The following SH3RF3 variants were observed in gnomAD, a reference collection of about 807,000 sequenced individuals.
SH3RF3 encodes the protein SH3 domain containing ring finger 3.
Under a neutral mutation model 66.3 loss-of-function variants are expected in SH3RF3, and 29 were observed. The ratio of observed to expected loss-of-function variants is 0.44; its 90% CI spans 0.33 to 0.60. The LOEUF is 0.60. Ranked by LOEUF, SH3RF3 falls within the 20% of genes least tolerant of loss-of-function variation. The probability of loss-of-function intolerance (pLI) is 0.04; values close to 1 mark genes in which losing one functional copy is unlikely to be tolerated. For synonymous variants in SH3RF3, 583 were observed against 532.0 expected, an observed-to-expected ratio of 1.10 and a Z score of -1.32; for missense variants, 1,194 against 1,190.9, an observed-to-expected ratio of 1.00 and a Z score of -0.04.
chr2:109,454,762 T>C (rs1239478042), intron 8 of SH3RF3, among the ~76,000 whole-genome samples: 1 of 152,010 alleles, frequency 6.6e-6, no homozygotes, highest in Non-Finnish European at 1.5e-5. Context: ...TGTGTGCGAG[T>C]CCTGACATAA....
At chr2:109,134,071 T>G (rs976396077) in intron 1 of SH3RF3, among the ~76,000 whole-genome samples, 12 of 152,188 alleles carry the variant, frequency 7.9e-5, no homozygotes, top group Non-Finnish European at 1.6e-4. Context: ...ATACCCGAGA[T>G]TTTCTGTTGA....
At chr2:109,412,406 T>C (rs979277132) in intron 4 of SH3RF3, among the ~76,000 whole-genome samples, 1 of 152,224 alleles carries the variant, frequency 6.6e-6, no homozygotes, top group Non-Finnish European at 1.5e-5. Flanking sequence ...TGTGCTATGC[T>C]GGTTTGGGAC....
chr2:109,285,818 T>G (rs1199775412), intron 1 of SH3RF3, among the ~76,000 whole-genome samples: 8 of 152,234 alleles, frequency 5.3e-5, no homozygotes, highest in Admixed American at 5.2e-4. Flanking sequence ...CTTCCAGTCC[T>G]GGCCTTGTTG....
chr2:109,146,442 C>T (rs775452621), intron 1 of SH3RF3, among the ~76,000 whole-genome samples: 4 of 152,146 alleles, frequency 2.6e-5, no homozygotes, highest in Admixed American at 6.5e-5. Context: ...GCATCAATTC[C>T]GTGCCAAGAG....
rs754601998 is a variant in SH3RF3, at chr2:109,490,964, G to C, written c.2480+28G>C. 72 of 1,427,280 alleles carry C rather than the reference G, an allele frequency of 5.0e-5. No homozygotes were observed. The African/African-American group carries it at 9.4e-4, about 19-fold the overall frequency. 88.4% of individuals were successfully genotyped at this position (1,427,280 alleles called of 1,614,324 possible). A position where few individuals can be genotyped will look rare whatever the true frequency, so the allele number is the denominator to read the frequency against. ...AAGTGCAGGGGCTTGTCTGCTCTGT[G>C]GCATGCTGTGGTTTGGCCTCTGAGG... On this transcript the variant is annotated intron_variant, in intron 9 of 9. Transcript: ENST00000309415.
intron 8 of SH3RF3, among the ~76,000 whole-genome samples, chr2:109,475,672 AATT>A (rs1166627201): frequency 6.6e-6 from 1 of 152,178 alleles, no homozygotes; most frequent in Non-Finnish European, 1.5e-5. Context: ...GCAGCATCCC[AATT>A]TCTACTTTGT....
At chr2:109,298,304 G>A (rs572974731) in intron 1 of SH3RF3, among the ~76,000 whole-genome samples, 1 of 133,384 alleles carries the variant, frequency 7.5e-6, no homozygotes, top group African/African-American at 2.6e-5. Flanking sequence ...TAGACAGGCG[G>A]GAAGGGAAGC....
At chr2:109,465,968 C>T (rs552293434) in intron 8 of SH3RF3, among the ~76,000 whole-genome samples, 115 of 151,528 alleles carry the variant, frequency 7.6e-4, no homozygotes, top group Non-Finnish European at 1.1e-3. Flanking sequence ...CCTCTAACAC[C>T]GGGGATTACA....
Position 109,458,572 on chromosome 2 carries a change from C to CAGAGAGAG in SH3RF3, c.2148+9105_2148+9112dup, listed in dbSNP as rs70958708. Among the ~76,000 whole-genome samples the CAGAGAGAG allele has an allele frequency of 4.2e-3, 520 of 123,028 alleles. 34 individuals carry two copies. The highest frequency in any genetic ancestry group is 7.2e-3 in the African/African-American group (263 of 36,680). The allele number at this position is 123,028 out of a possible 152,430, so 80.7% of individuals were successfully genotyped here. A position where few individuals can be genotyped will look rare whatever the true frequency, so the allele number is the denominator to read the frequency against. ...CCAGAGAAACAGAACCAGCAGGAGACAGAGAGAGAGAGAGAGAGAGAGAGA... is the reference window on the plus strand; with the variant it reads ...CCAGAGAAACAGAACCAGCAGGAGACAGAGAGAGAGAGAGAGAGAGAGAGAGAGAGAGA... On this transcript the variant is annotated intron_variant, in intron 8 of 9. Coordinates refer to ENST00000309415, the MANE Select transcript of SH3RF3 (RefSeq NM_001099289.3).
Position 109,129,215 on chromosome 2 carries a change from T to G in SH3RF3, c.-326T>G. 4 of 515,972 alleles carry G rather than the reference T, an allele frequency of 7.8e-6. No homozygotes were observed. Among genetic ancestry groups the G allele is most frequent in the Non-Finnish European group, 1.1e-5 (3 of 278,630 alleles). The allele number at this position is 515,972 out of a possible 1,614,324, so 32.0% of individuals were successfully genotyped here. A position where few individuals can be genotyped will look rare whatever the true frequency, so the allele number is the denominator to read the frequency against. ...GCCGCCGCTTGCAGCACAGAACCCG[T>G]TGAGCTTCGTGCCCGGCAGCACCCC... On this transcript the variant is annotated 5_prime_UTR_variant, in exon 1 of 10. Coordinates refer to ENST00000309415, the MANE Select transcript of SH3RF3 (RefSeq NM_001099289.3).
intron 3 of SH3RF3, among the ~76,000 whole-genome samples, chr2:109,392,605 C>T (rs879388592): frequency 3.3e-5 from 5 of 151,976 alleles, no homozygotes; most frequent in Admixed American, 6.5e-5. Flanking sequence ...AGCTCCGCCT[C>T]GTGGGTTCAC....
intron 6 of SH3RF3, among the ~76,000 whole-genome samples, chr2:109,435,347 G>T (rs1268558925): frequency 1.3e-5 from 2 of 152,316 alleles, no homozygotes; most frequent in Non-Finnish European, 2.9e-5. Flanking sequence ...GATCCCTACT[G>T]GGTTCAGGAC....
At chr2:109,492,463 C>G (rs151305736) in intron 9 of SH3RF3, among the ~76,000 whole-genome samples, 9 of 152,260 alleles carry the variant, frequency 5.9e-5, no homozygotes, top group African/African-American at 2.2e-4. Context: ...GCTGGGTGTT[C>G]TGCACAGGGG....
chr2:109,466,121 C>G (rs1678339250), intron 8 of SH3RF3, among the ~76,000 whole-genome samples: 1 of 146,564 alleles, frequency 6.8e-6, no homozygotes. Flanking sequence ...GCTCCGTCGC[C>G]CAGGCTGGAG....
chr2:109,194,228 A>G (rs1211017301), intron 1 of SH3RF3, among the ~76,000 whole-genome samples: 1 of 152,202 alleles, frequency 6.6e-6, no homozygotes, highest in African/African-American at 2.4e-5. Flanking sequence ...CGTTTCAGGA[A>G]CTTAGCATCC....
At chr2:109,422,267 C>T (rs896515784) in intron 5 of SH3RF3, among the ~76,000 whole-genome samples, 4 of 152,214 alleles carry the variant, frequency 2.6e-5, no homozygotes, top group African/African-American at 9.6e-5. Context: ...AGCCAGGGCC[C>T]AGATGGGGCT....
intron 1 of SH3RF3, among the ~76,000 whole-genome samples, chr2:109,334,021 A>G (rs1042844399): frequency 2.0e-5 from 3 of 152,188 alleles, no homozygotes; most frequent in African/African-American, 7.2e-5. Context: ...AGACTTTAGG[A>G]AAGTCCAGTC....
rs1434830601 is a variant in SH3RF3, at chr2:109,437,160, G to A, written c.1828+14G>A. ...CCATTTCAACAGGTACCTTCACAGGGGCCTCACCCTGCAGGGCATCAACAA... is the reference window on the plus strand; with the variant it reads ...CCATTTCAACAGGTACCTTCACAGGAGCCTCACCCTGCAGGGCATCAACAA... On this transcript the variant is annotated intron_variant, in intron 7 of 9. Coordinates refer to ENST00000309415, the MANE Select transcript of SH3RF3 (RefSeq NM_001099289.3). 1 of 1,600,312 alleles carries A rather than the reference G, an allele frequency of 6.2e-7. No homozygotes were observed. Among genetic ancestry groups the A allele is most frequent in the Admixed American group, 1.7e-5 (1 of 59,414 alleles).
At chr2:109,450,951 C>G (rs960205483) in intron 8 of SH3RF3, among the ~76,000 whole-genome samples, 2 of 152,250 alleles carry the variant, frequency 1.3e-5, no homozygotes, top group Non-Finnish European at 2.9e-5. Flanking sequence ...CTCTCTCTTT[C>G]TCGAGGACAT....
Sources: gnomAD v4.1 joint callset for allele counts (sites outside exome capture counted in the v4.1 genomes callset) on GRCh38, gnomAD v4.1.1 for gene constraint, MANE v1.5 for transcripts, NCBI Gene and HGNC (gene_info 2026-07-23, HGNC 2026-07-21) for gene names.